NRIP3: variants seen among roughly 807,000 people sequenced by gnomAD.
NRIP3 encodes the protein nuclear receptor-interacting protein 3.
A neutral mutation model predicts 29.0 loss-of-function variants in NRIP3; 31 were observed. That is an observed-to-expected ratio of 1.07 (90% CI 0.80 to 1.44). The LOEUF is 1.44. NRIP3 is among the 40% of genes most tolerant of loss of function. The pLI is 0.00. For missense variants in NRIP3, 314 were observed against 297.9 expected (o/e 1.05, Z -0.40); for synonymous variants, 131 against 118.3 (o/e 1.11, Z -0.70).
intron 1 of NRIP3, among the ~76,000 whole-genome samples, chr11:8,997,540 C>T (rs758847235): frequency 9.2e-5 from 14 of 152,176 alleles, no homozygotes; most frequent in Non-Finnish European, 1.6e-4. Context: ...TGCTTCTCTA[C>T]TCTTCCTGAA....
In NRIP3 at chr11:8,983,560, G is replaced by A; in HGVS notation, c.711C>T (p.Asn237=). The A allele has an allele frequency of 6.2e-7, 1 of 1,613,306 alleles. No homozygotes were observed. The highest frequency in any genetic ancestry group is 1.7e-4 in the Middle Eastern group (1 of 6,060). The change falls in exon 7 of 7, where the codon AAC becomes AAT. Residue 237 remains asparagine (N), a splice_region_variant and synonymous_variant. Coordinates refer to ENST00000309166, the MANE Select transcript of NRIP3 (RefSeq NM_020645.3). ...CAGGCTGTAGTTATGCTTCTGAAGT[G>A]CTGAAATGAGAAATAAATATCAGGA... ...FVETVSLNED[N]TSEA
intron 1 of NRIP3, among the ~76,000 whole-genome samples, chr11:9,000,526 A>G (rs1175186799): frequency 6.6e-6 from 1 of 152,244 alleles, no homozygotes; most frequent in Admixed American, 6.5e-5. Context: ...TATGATCAGA[A>G]GCAATCATAT....
intron 1 of NRIP3, among the ~76,000 whole-genome samples, chr11:8,998,182 T>C (rs1193503150): frequency 6.6e-6 from 1 of 152,226 alleles, no homozygotes; most frequent in African/African-American, 2.4e-5. Flanking sequence ...TTGTGCCTTC[T>C]CTTTGCTTAC....
intron 1 of NRIP3, among the ~76,000 whole-genome samples, chr11:8,994,801 G>T (rs755499315): frequency 2.0e-5 from 3 of 152,100 alleles, no homozygotes; most frequent in Non-Finnish European, 4.4e-5. Context: ...AAATGTTAGT[G>T]TTCCTCATCG....
chr11:8,983,024 A>C lies in NRIP3; in HGVS notation c.*521T>G, dbSNP rs886856994. The C allele has an allele frequency of 6.6e-6, 3 of 456,540 alleles. No individual in the cohort carries two copies. Among genetic ancestry groups the C allele is most frequent in the African/African-American group, 6.0e-5 (3 of 50,056 alleles). The allele number at this position is 456,540 out of a possible 1,614,324, so 28.3% of individuals were successfully genotyped here. ...CTTTAAATGAAAGAGTTAAACTGTA[A>C]TGGATAATGTCCCTGGGCTCTTTCA... is the stretch of plus-strand genomic sequence containing the variant. On this transcript the variant is annotated 3_prime_UTR_variant, in exon 7 of 7. Coordinates refer to ENST00000309166, the MANE Select transcript of NRIP3 (RefSeq NM_020645.3).
intron 4 of NRIP3, among the ~76,000 whole-genome samples, 175 bp from the exon 5 acceptor site, chr11:8,984,299 G>C (rs551842015): frequency 5.3e-5 from 8 of 150,272 alleles, no homozygotes; most frequent in African/African-American, 1.7e-4. Context: ...TTTCGCTCTT[G>C]TTGCCCAGGC....
intron 1 of NRIP3, among the ~76,000 whole-genome samples, chr11:9,000,694 C>T (rs968809159): frequency 6.6e-6 from 1 of 151,934 alleles, no homozygotes; most frequent in Admixed American, 6.6e-5. Context: ...CTTTTATGAA[C>T]CTGGTAGCTA....
At chr11:9,004,011 G>A (rs568674923), upstream of NRIP3, 81 of 1,323,598 alleles carry the variant, frequency 6.1e-5, no homozygotes, top group African/African-American at 1.0e-3. Flanking sequence ...CGCCGCAAGG[G>A]CCCCGAGCCG....
At position 9,003,775 on chromosome 11, in the gene NRIP3, G is replaced by T; in HGVS notation, c.161C>A (p.Ser54Ter). 2.7e-6 allele frequency: 4 copies of T among 1,471,822 alleles called. No individual in the cohort carries two copies. Among genetic ancestry groups the T allele is most frequent in the Non-Finnish European group, 2.7e-6 (3 of 1,106,078 alleles). The allele number at this position is 1,471,822 out of a possible 1,614,324, so 91.2% of individuals were successfully genotyped here. A position where few individuals can be genotyped will look rare whatever the true frequency, so the allele number is the denominator to read the frequency against. The change falls in exon 1 of 7, where the codon TCG (serine) becomes TAG (stop). Residue 54 changes from serine (S) to a stop codon, truncating the protein, a stop_gained. Transcript: ENST00000309166. LOFTEE classifies it high-confidence loss of function. ...GCGGGGGCTCACCATGTCCTTGGACGAGCCCAGCTTCTTGAGGCCGTCCAG... is the reference window on the plus strand; with the variant it reads ...GCGGGGGCTCACCATGTCCTTGGACTAGCCCAGCTTCTTGAGGCCGTCCAG... The part of the protein sequence containing the change: ...LPLDGLKKLG[S>*]SKDMQPHNIL...
At chr11:8,988,075 T>C in intron 2 of NRIP3, 43 bp downstream of exon 2, 3 of 1,599,772 alleles carry the variant, frequency 1.9e-6, no homozygotes, top group South Asian at 2.2e-5. Context: ...CCCCACATCC[T>C]ACTTTCCAGA....
chr11:8,985,657 G>A (rs565280373), intron 4 of NRIP3, 54 bp downstream of exon 4: 2 of 1,581,494 alleles, frequency 1.3e-6, no homozygotes, highest in Admixed American at 3.6e-5. Flanking sequence ...TTTGTTGGGG[G>A]TAGGGAGAGG....
At chr11:9,002,202 A>ATT (rs1304463940) in intron 1 of NRIP3, among the ~76,000 whole-genome samples, 3 of 152,248 alleles carry the variant, frequency 2.0e-5, no homozygotes, top group African/African-American at 7.2e-5. Flanking sequence ...TTCTCTTAAT[A>ATT]TAATACTTCC....
chr11:8,984,121 T>G lies in NRIP3; in HGVS notation c.566A>C (p.Asp189Ala). The G allele has an allele frequency of 6.2e-7, 1 of 1,611,080 alleles. No homozygotes were observed. The change falls in exon 5 of 7, where the codon GAC (aspartate) becomes GCC (alanine). Residue 189 changes from aspartate to alanine, a missense_variant. Physicochemically the swap from Asp to Ala is moderately radical, Grantham distance 126 (BLOSUM62 -2). Coordinates refer to ENST00000309166, the MANE Select transcript of NRIP3 (RefSeq NM_020645.3). ...RLDCPAAVVD[D>A]NEKNLSLGLQ... ...ACCAAGGGACAAGTTTTTCTCATTG[T>G]CATCTAATAAAAACAAAAAAATGAT... is the stretch of plus-strand genomic sequence containing the variant.
At position 8,983,872 on chromosome 11, in the gene NRIP3, CACTT is replaced by C; in HGVS notation, c.709_710+2del. ...ACTTGATCTGACCCATTTGGGCACT[CACTT>C]GTCTTCATTCAAAGAGACTGTCTCC... On this transcript the variant is annotated splice_donor_variant and coding_sequence_variant, in exon 6 of 7. Transcript: ENST00000309166. LOFTEE classifies it high-confidence loss of function. 1 of 1,613,298 alleles carries C rather than the reference CACTT, an allele frequency of 6.2e-7. No homozygotes were observed. The highest frequency in any genetic ancestry group is 1.1e-5 in the South Asian group (1 of 91,054).
chr11:9,002,596 TA>T (rs10701323), intron 1 of NRIP3, among the ~76,000 whole-genome samples: 24,806 of 101,120 alleles, frequency 0.25, 2,479 homozygotes, highest in Middle Eastern at 0.29. Context: ...GCTGTTAAAT[TA>T]AAAAAAAAAA....
At chr11:8,997,834 A>C (rs1854735196) in intron 1 of NRIP3, among the ~76,000 whole-genome samples, 1 of 152,194 alleles carries the variant, frequency 6.6e-6, no homozygotes, top group Non-Finnish European at 1.5e-5. Context: ...CAATCCCTTT[A>C]CCCAAGCTAC....
intron 1 of NRIP3, among the ~76,000 whole-genome samples, chr11:8,991,859 A>G (rs1366853064): frequency 6.6e-6 from 1 of 152,168 alleles, no homozygotes; most frequent in African/African-American, 2.4e-5. Context: ...GACATGCACC[A>G]TTTCTATGCC....
intron 3 of NRIP3, 117 bp from the exon 4 acceptor site, chr11:8,985,967 A>C: frequency 8.1e-7 from 1 of 1,229,094 alleles, no homozygotes; most frequent in Non-Finnish European, 1.2e-6. Flanking sequence ...GGATTAATCT[A>C]CCGAAAAGTG....
chr11:8,983,191 G>A lies in NRIP3; in HGVS notation c.*354C>T, dbSNP rs1241593971. ...TATTATACATTTAGCTATAGGAAAA[G>A]AAGCACATATATCTATGGAGACACA... On this transcript the variant is annotated 3_prime_UTR_variant, in exon 7 of 7. Transcript: ENST00000309166. The A allele has an allele frequency of 4.7e-6, 2 of 421,562 alleles. No individual in the cohort carries two copies. The highest frequency in any genetic ancestry group is 4.4e-6 in the Non-Finnish European group (1 of 229,312). 26.1% of individuals were successfully genotyped at this position (421,562 alleles called of 1,614,324 possible).
Sources: gnomAD v4.1 joint callset for allele counts (sites outside exome capture counted in the v4.1 genomes callset) on GRCh38, gnomAD v4.1.1 for gene constraint, MANE v1.5 for transcripts, NCBI Gene and HGNC (gene_info 2026-07-23, HGNC 2026-07-21) for gene names.